The following TENT5D variants were observed in gnomAD, a reference collection of about 807,000 sequenced individuals.
The protein encoded by TENT5D is terminal nucleotidyltransferase 5D.
For missense variants in TENT5D, 191 were observed against 287.0 expected, an observed-to-expected ratio of 0.67 and a Z score of 2.42; for synonymous variants, 103 against 100.6, an observed-to-expected ratio of 1.02 and a Z score of -0.15.
At chrX:80,405,952 G>A (rs1460498856) in intron 3 of TENT5D, among the ~76,000 whole-genome samples, 4 of 109,457 alleles carry the variant, frequency 3.7e-5, no homozygotes, top group South Asian at 4.1e-4. Flanking sequence ...CCTGACCCCC[G>A]AGCAGCCTAA....
chrX:80,440,891 G>A (rs912536005), intron 2 of TENT5D, among the ~76,000 whole-genome samples: 4 of 111,166 alleles, frequency 3.6e-5, no homozygotes, highest in African/African-American at 1.3e-4. Flanking sequence ...GAGAATTTGA[G>A]CATAACAAAC....
chrX:80,340,603 G>A (rs1227602674), intron 2 of TENT5D, among the ~76,000 whole-genome samples: 1 of 110,461 alleles, frequency 9.1e-6, no homozygotes, highest in Non-Finnish European at 1.9e-5. Context: ...TCTAAAATTT[G>A]CAATAGTATG....
chrX:80,418,181 G>A (rs558950467), upstream of TENT5D, among the ~76,000 whole-genome samples: 21 of 109,128 alleles, frequency 1.9e-4, no homozygotes, highest in South Asian at 1.2e-3. Flanking sequence ...TCAGGTTCTT[G>A]CTCTTTTGCC....
rs1274879888 is a variant in TENT5D at position 80,381,988 on chromosome X, C to T, written c.-142+39424C>T. Among the ~76,000 whole-genome samples the T allele has an allele frequency of 2.7e-5, 3 of 112,328 alleles. No homozygotes were observed. In the Admixed American group the frequency reaches 2.8e-4, roughly 11 times the overall value. On this transcript the variant is annotated intron_variant, in intron 3 of 4. Coordinates refer to the TENT5D transcript ENST00000538312. ...CTTGTCAAAGTCATTCTCTGTCCAG[C>T]TTTATTCCGTTGCTGGCGAGGAGCT... is the stretch of plus-strand genomic sequence containing the variant.
At chrX:80,442,722 C>G in exon 3 of TENT5D, 1 of 1,210,931 alleles carries the variant, frequency 8.3e-7, no homozygotes, top group African/African-American at 1.7e-5. Flanking sequence ...TTAAAGATGC[C>G]AGATTGAATG....
chrX:80,410,987 C>T (rs1294707282), intron 3 of TENT5D, among the ~76,000 whole-genome samples: 3 of 104,553 alleles, frequency 2.9e-5, no homozygotes, highest in South Asian at 4.6e-4. Context: ...AGTAAACTAT[C>T]GCAAGAACAA....
rs377699175 is a variant in TENT5D, at chrX:80,359,038, C to T, written c.-142+16474C>T. Among the ~76,000 whole-genome samples the T allele has an allele frequency of 3.6e-5, 4 of 111,812 alleles. No individual in the cohort carries two copies. In the East Asian group the frequency reaches 1.1e-3, roughly 31 times the overall value. ...CAAAAGTAAACATTTATGCTGCCAA[C>T]AAACATATGAAAAAAAGCTCATCAT... On this transcript the variant is annotated intron_variant, in intron 3 of 4. Transcript: ENST00000538312.
At chrX:80,410,990 A>C (rs1013762698) in intron 3 of TENT5D, among the ~76,000 whole-genome samples, 2 of 104,774 alleles carry the variant, frequency 1.9e-5, no homozygotes, top group African/African-American at 7.0e-5. Flanking sequence ...AAACTATCGC[A>C]AGAACAAAAA....
chrX:80,363,653 C>A (rs772279170), intron 3 of TENT5D, among the ~76,000 whole-genome samples: 3 of 111,944 alleles, frequency 2.7e-5, no homozygotes, highest in Admixed American at 9.5e-5. Flanking sequence ...CCATAACATA[C>A]TGTTCTTGTT....
intron 2 of TENT5D, chrX:80,335,720 T>C (rs1437856331): frequency 9.0e-6 from 1 of 111,654 alleles, no homozygotes; most frequent in Non-Finnish European, 1.9e-5. Flanking sequence ...GAAAAAGGTA[T>C]AGGGCTTTTA....
At chrX:80,430,186 G>T (rs780770587) in intron 1 of TENT5D, among the ~76,000 whole-genome samples, 1 of 111,608 alleles carries the variant, frequency 9.0e-6, no homozygotes, top group South Asian at 3.8e-4. Flanking sequence ...TTAGATTTTG[G>T]AAAGCCTTTA....
chrX:80,372,771 C>T (rs1185523238), intron 3 of TENT5D, among the ~76,000 whole-genome samples: 1 of 108,791 alleles, frequency 9.2e-6, no homozygotes, highest in Non-Finnish European at 1.9e-5. Flanking sequence ...CCTGTAATCC[C>T]AGCTACTCAG....
At chrX:80,430,477 A>C (rs764624834) in intron 1 of TENT5D, among the ~76,000 whole-genome samples, 2 of 111,248 alleles carry the variant, frequency 1.8e-5, no homozygotes, top group Non-Finnish European at 3.8e-5. Flanking sequence ...TATTTTTTGT[A>C]GGCTTGGCTG....
intron 1 of TENT5D, among the ~76,000 whole-genome samples, chrX:80,424,774 GAATAA>G (rs1291186346): frequency 5.4e-4 from 61 of 112,765 alleles, no homozygotes; most frequent in Non-Finnish European, 9.9e-4. Flanking sequence ...ACTGCAGCAA[GAATAA>G]TTACCTTTAC....
upstream of TENT5D, among the ~76,000 whole-genome samples, chrX:80,417,629 C>T (rs1274062047): frequency 9.0e-6 from 1 of 111,344 alleles, no homozygotes; most frequent in Non-Finnish European, 1.9e-5. Flanking sequence ...ATGCCGAATA[C>T]AAGCCTCCAG....
chrX:80,436,433 G>T (rs1490512767), intron 1 of TENT5D, among the ~76,000 whole-genome samples: 5 of 110,399 alleles, frequency 4.5e-5, no homozygotes, highest in Non-Finnish European at 9.5e-5. Context: ...GGATACATGT[G>T]CAGGACGTGC....
At chrX:80,377,408 C>G (rs1315785188) in intron 3 of TENT5D, among the ~76,000 whole-genome samples, 3 of 110,856 alleles carry the variant, frequency 2.7e-5, no homozygotes, top group African/African-American at 9.9e-5. Flanking sequence ...ACGACAGGCC[C>G]CAGTGTGTGA....
At chrX:80,405,558 C>T (rs1311566910) in intron 3 of TENT5D, among the ~76,000 whole-genome samples, 2 of 112,447 alleles carry the variant, frequency 1.8e-5, no homozygotes, top group East Asian at 5.7e-4. Context: ...GCTTAAAAAA[C>T]GGCGCACCAC....
intron 3 of TENT5D, among the ~76,000 whole-genome samples, chrX:80,351,398 G>C (rs1243350190): frequency 9.5e-6 from 1 of 105,649 alleles, no homozygotes; most frequent in African/African-American, 3.5e-5. Context: ...TCAGTAAGTT[G>C]ATCTTCAGTC....
Sources: allele counts gnomAD v4.1 joint callset (sites outside exome capture counted in the v4.1 genomes callset), GRCh38; gene constraint gnomAD v4.1.1; transcripts MANE v1.5; gene names NCBI Gene and HGNC (gene_info 2026-07-23, HGNC 2026-07-21).